The following KANSL1L variants were observed in gnomAD, a reference collection of about 807,000 sequenced individuals.
KANSL1L encodes KAT8 regulatory NSL complex subunit 1-like protein.
A neutral mutation model predicts 108.6 loss-of-function variants in KANSL1L; 25 were observed. The ratio of observed to expected loss-of-function variants is 0.23; its 90% CI spans 0.17 to 0.32. KANSL1L has a LOEUF of 0.32. KANSL1L is among the 10% of genes least tolerant of loss of function. KANSL1L has a pLI of 1.00. For missense variants in KANSL1L, 1,137 were observed against 1,125.7 expected (o/e 1.01, Z -0.14); for synonymous variants, 405 against 395.1 (o/e 1.03, Z -0.30).
At chr2:210,144,451 G>A (rs2095251899) in intron 2 of KANSL1L, among the ~76,000 whole-genome samples, 1 of 152,026 alleles carries the variant, frequency 6.6e-6, no homozygotes, top group South Asian at 2.1e-4. Flanking sequence ...GTGAACATTA[G>A]CTCTGTTGAG....
intron 1 of KANSL1L, among the ~76,000 whole-genome samples, chr2:210,164,637 A>C (rs2095377432): frequency 6.6e-6 from 1 of 152,096 alleles, no homozygotes; most frequent in African/African-American, 2.4e-5. Flanking sequence ...AAGGAAGAAA[A>C]CTGGAAAAAA....
Position 210,097,984 on chromosome 2 carries a change from C to T in KANSL1L, c.1550+102G>A, listed in dbSNP as rs545336058. On this transcript the variant is annotated intron_variant, in intron 5 of 14. Transcript: ENST00000281772. ...TTGTACTCTAGTAGCCCCTAATGTA[C>T]AAAAAAAGTAGCTATAATACTTAAA... 22 of 944,442 alleles carry T rather than the reference C, an allele frequency of 2.3e-5. No homozygotes were observed. In the African/African-American group the frequency reaches 2.7e-4, roughly 12 times the overall value. The allele number at this position is 944,442 out of a possible 1,614,324, so 58.5% of individuals were successfully genotyped here. A position where few individuals can be genotyped will look rare whatever the true frequency, so the allele number is the denominator to read the frequency against.
At chr2:210,026,974 T>TG (rs1164275250) in intron 12 of KANSL1L, among the ~76,000 whole-genome samples, 2 of 152,324 alleles carry the variant, frequency 1.3e-5, no homozygotes, top group Middle Eastern at 3.4e-3. Context: ...GGTTTCACCG[T>TG]GTTAGCTAGG....
At chr2:210,148,792 T>C (rs2095282892) in intron 2 of KANSL1L, among the ~76,000 whole-genome samples, 1 of 152,186 alleles carries the variant, frequency 6.6e-6, no homozygotes, top group Admixed American at 6.5e-5. Flanking sequence ...CTAATGTGAA[T>C]ACTTTCCAAT....
chr2:210,073,178 C>T (rs891214548), intron 6 of KANSL1L, among the ~76,000 whole-genome samples: 15 of 152,028 alleles, frequency 9.9e-5, no homozygotes, highest in African/African-American at 1.9e-4. Flanking sequence ...GTTAACATTA[C>T]GATGTTCCAG....
At chr2:210,071,719 CT>C (rs1415172978) in intron 6 of KANSL1L, among the ~76,000 whole-genome samples, 1 of 152,112 alleles carries the variant, frequency 6.6e-6, no homozygotes, top group East Asian at 1.9e-4. Context: ...TATAAGAGTT[CT>C]TAGGGACACA....
chr2:210,068,343 A>C (rs891366601), intron 6 of KANSL1L, among the ~76,000 whole-genome samples: 1 of 152,004 alleles, frequency 6.6e-6, no homozygotes, highest in Non-Finnish European at 1.5e-5. Context: ...TTCAGGATAT[A>C]AAATCTTTGT....
At chr2:210,062,636 G>T (rs1258050843) in intron 6 of KANSL1L, among the ~76,000 whole-genome samples, 1 of 152,258 alleles carries the variant, frequency 6.6e-6, no homozygotes, top group Admixed American at 6.5e-5. Flanking sequence ...TTGGGAACTG[G>T]AGCAAAGGTG....
chr2:210,079,078 G>A (rs181517018), intron 5 of KANSL1L, among the ~76,000 whole-genome samples: 1 of 152,250 alleles, frequency 6.6e-6, no homozygotes, highest in East Asian at 1.9e-4. Context: ...AGCTTTCTGA[G>A]TAACTAGGAC....
chr2:210,100,118 A>T (rs2094779183), intron 4 of KANSL1L, among the ~76,000 whole-genome samples: 1 of 152,104 alleles, frequency 6.6e-6, no homozygotes, highest in Non-Finnish European at 1.5e-5. Context: ...TTACCACCTG[A>T]GCTCCGCCTC....
chr2:210,132,496 A>G (rs893996592), intron 2 of KANSL1L, among the ~76,000 whole-genome samples: 1 of 152,206 alleles, frequency 6.6e-6, no homozygotes, highest in Non-Finnish European at 1.5e-5. Context: ...CTCATTCCCC[A>G]GAAAGGTAGC....
chr2:210,124,516 A>G (rs1453337445), intron 3 of KANSL1L, among the ~76,000 whole-genome samples: 1 of 152,122 alleles, frequency 6.6e-6, no homozygotes, highest in Non-Finnish European at 1.5e-5. Flanking sequence ...GGGGGAGTTT[A>G]TAGTTATAAA....
chr2:210,126,858 G>A (rs939250379), intron 3 of KANSL1L, among the ~76,000 whole-genome samples: 2 of 151,962 alleles, frequency 1.3e-5, no homozygotes, highest in Admixed American at 6.6e-5. Flanking sequence ...GAAGACTCAC[G>A]TCCTGATTTC....
intron 1 of KANSL1L, among the ~76,000 whole-genome samples, chr2:210,156,783 G>T (rs953844394): frequency 1.3e-5 from 2 of 151,958 alleles, no homozygotes; most frequent in Non-Finnish European, 2.9e-5. Context: ...TACTTGAGGG[G>T]AAAAGACTAA....
chr2:210,130,841 ACAAT>A lies in KANSL1L; in HGVS notation c.1089-1673_1089-1670del, dbSNP rs2095113256. Among the ~76,000 whole-genome samples, 5 of 44,456 alleles carry A rather than the reference ACAAT, an allele frequency of 1.1e-4. No individual in the cohort carries two copies. In the South Asian group the frequency reaches 5.8e-3, roughly 51 times the overall value. The allele number at this position is 44,456 out of a possible 152,430, so 29.2% of individuals were successfully genotyped here. On this transcript the variant is annotated intron_variant, in intron 2 of 14. Coordinates refer to ENST00000281772, the MANE Select transcript of KANSL1L (RefSeq NM_152519.4). ...AGTGGAAACTACTGGCAAGGTGGTA[ACAAT>A]TTTTTTTTTTTTTTCAAGAACTTTG...
chr2:210,164,327 A>C (rs1273865603), intron 1 of KANSL1L, among the ~76,000 whole-genome samples: 2 of 152,142 alleles, frequency 1.3e-5, no homozygotes, highest in Non-Finnish European at 2.9e-5. Flanking sequence ...GGCTTTATGG[A>C]AAGTTTATGG....
chr2:210,048,731 G>A (rs2094254707), intron 6 of KANSL1L, among the ~76,000 whole-genome samples: 1 of 151,358 alleles, frequency 6.6e-6, no homozygotes, highest in Non-Finnish European at 1.5e-5. Context: ...TGTGTTCTGT[G>A]ATTTTTTTTT....
In KANSL1L at chr2:210,153,943, C is replaced by T. The variant is rs796724279; in HGVS notation, c.640G>A (p.Ala214Thr). 1 of 1,613,426 alleles carries T rather than the reference C, an allele frequency of 6.2e-7. No homozygotes were observed. The highest frequency in any genetic ancestry group is 1.1e-5 in the South Asian group (1 of 91,040). Residue 214 changes from alanine (A) to threonine (T), a missense_variant, in exon 2 of 15, where the codon GCT (alanine) becomes ACT (threonine). By Grantham distance (58) the Ala-to-Thr change is moderately conservative. Coordinates refer to ENST00000281772, the MANE Select transcript of KANSL1L (RefSeq NM_152519.4). ...GCATGTACTTCCTCCTCTTTTTCAG[C>T]AGCTGAAGAACTAACAGGCACATTT... ...HSNVPVSSSAAEKEEEVHARL... is the reference protein window; with the variant it reads ...HSNVPVSSSATEKEEEVHARL...
chr2:210,080,667 A>G (rs1321599063), intron 5 of KANSL1L, among the ~76,000 whole-genome samples: 1 of 152,244 alleles, frequency 6.6e-6, no homozygotes, highest in Admixed American at 6.5e-5. Flanking sequence ...ACCATACACT[A>G]GACACCTTAA....
Sources: gnomAD v4.1 joint callset for allele counts (sites outside exome capture counted in the v4.1 genomes callset) on GRCh38, gnomAD v4.1.1 for gene constraint, MANE v1.5 for transcripts, NCBI Gene and HGNC (gene_info 2026-07-23, HGNC 2026-07-21) for gene names.